The following EIF4E3 variants were observed in gnomAD, a reference collection of about 807,000 sequenced individuals.
EIF4E3 encodes eukaryotic translation initiation factor 4E type 3.
EIF4E3 carries 26 observed loss-of-function variants against 31.7 expected under a neutral mutation model. The ratio of observed to expected loss-of-function variants is 0.82; its 90% CI spans 0.60 to 1.14. The LOEUF is 1.14. Among genes scored for constraint, EIF4E3 ranks in the 50% most tolerant of loss-of-function variants. The pLI, the probability that EIF4E3 is intolerant of heterozygous loss-of-function variation, is 0.00. For missense variants in EIF4E3, 304 were observed against 270.9 expected (o/e 1.12, Z -0.86); for synonymous variants, 128 against 107.7 (o/e 1.19, Z -1.17).
upstream of EIF4E3, among the ~76,000 whole-genome samples, chr3:71,725,754 G>A (rs936521581): frequency 6.6e-6 from 1 of 152,262 alleles, no homozygotes; most frequent in South Asian, 2.1e-4. The surrounding 1 kb of genome is among the most constrained non-coding windows in gnomAD (Gnocchi z 6.1). Flanking sequence ...AAAGGGCAGC[G>A]GGATGGAGCG....
upstream of EIF4E3, among the ~76,000 whole-genome samples, chr3:71,729,798 ATGTGTGTG>A (rs3066626): frequency 0.081 from 10,481 of 129,724 alleles, 506 homozygotes; most frequent in East Asian, 0.12. Flanking sequence ...TTCCAATAGA[ATGTGTGTG>A]TGTGTGTGTG....
At chr3:71,696,591 C>G (rs1175164818) in intron 3 of EIF4E3, 71 bp from the exon 4 acceptor site, 1 of 1,545,142 alleles carries the variant, frequency 6.5e-7, no homozygotes, top group East Asian at 2.2e-5. Context: ...GATTAAATAT[C>G]TCTTCATACA....
In EIF4E3 at chr3:71,676,626, ATT is replaced by A. The variant is rs1245344343; in HGVS notation, c.*8054_*8055del. On this transcript the variant is annotated 3_prime_UTR_variant, in exon 7 of 7. Transcript: ENST00000425534. Reference sequence around the variant, plus strand: ...CTTTTAAAAATACTTCTTAAAATGTATTTTACAATGAAAACTTTGCCATATCT... The same window carrying A: ...CTTTTAAAAATACTTCTTAAAATGTATTACAATGAAAACTTTGCCATATCT... 1 of 152,066 alleles carries A rather than the reference ATT, an allele frequency of 6.6e-6. No homozygotes were observed. The highest frequency in any genetic ancestry group is 2.4e-5 in the African/African-American group (1 of 41,406). 9.4% of individuals were successfully genotyped at this position (152,066 alleles called of 1,614,324 possible).
intron 2 of EIF4E3, among the ~76,000 whole-genome samples, chr3:71,706,981 A>G (rs1184252824): frequency 2.0e-5 from 3 of 152,230 alleles, no homozygotes; most frequent in African/African-American, 4.8e-5. Context: ...TGAAAACTCA[A>G]AAGTTATTGA....
intron 1 of EIF4E3, among the ~76,000 whole-genome samples, chr3:71,732,865 C>A (rs571033051): frequency 6.6e-6 from 1 of 152,376 alleles, no homozygotes; most frequent in South Asian, 2.1e-4. Flanking sequence ...ACCTCTGAGT[C>A]TCCTTTTTTC....
At chr3:71,718,018 A>G (rs868167786) in intron 1 of EIF4E3, among the ~76,000 whole-genome samples, 17 of 152,374 alleles carry the variant, frequency 1.1e-4, no homozygotes, top group African/African-American at 3.6e-4. Context: ...GAAAAAACCA[A>G]TGATGACAAT....
intron 2 of EIF4E3, among the ~76,000 whole-genome samples, chr3:71,701,276 G>A (rs2049212808): frequency 6.6e-6 from 1 of 152,172 alleles, no homozygotes; most frequent in Non-Finnish European, 1.5e-5. Context: ...TCTGAGCCAG[G>A]CTTTGTTCTA....
rs2048871470 is a variant in EIF4E3 at position 71,675,938 on chromosome 3, C to T, written c.*8744G>A. 6.6e-6 allele frequency: 1 copy of T among 152,222 alleles called. No homozygotes were observed. Among genetic ancestry groups the T allele is most frequent in the Non-Finnish European group, 1.5e-5 (1 of 68,044 alleles). 9.4% of individuals were successfully genotyped at this position (152,222 alleles called of 1,614,324 possible). On this transcript the variant is annotated 3_prime_UTR_variant, in exon 7 of 7. Coordinates refer to ENST00000425534, the MANE Select transcript of EIF4E3 (RefSeq NM_001134651.2). ...CAAGTTATTTCACCTCTCTGAACCT[C>T]ATGCATATGTTTCCACATACACAAA...
chr3:71,692,850 C>T (rs760966740), intron 5 of EIF4E3, among the ~76,000 whole-genome samples: 4 of 152,156 alleles, frequency 2.6e-5, no homozygotes, highest in African/African-American at 4.8e-5. Flanking sequence ...CCATCTTGGC[C>T]TCCCAAAGTG....
chr3:71,748,037 G>C (rs2049890808), intron 1 of EIF4E3, among the ~76,000 whole-genome samples: 1 of 152,100 alleles, frequency 6.6e-6, no homozygotes, highest in African/African-American at 2.4e-5. Flanking sequence ...CATTCAAGTG[G>C]ATAGCAGGCT....
At chr3:71,663,451 A>T in the EIF4E3 span, among the ~76,000 whole-genome samples, 1 of 152,248 alleles carries the variant, frequency 6.6e-6, no homozygotes, top group Non-Finnish European at 1.5e-5. Flanking sequence ...CACTGTCTAC[A>T]AACCTACAGA....
intron 3 of EIF4E3, among the ~76,000 whole-genome samples, chr3:71,698,753 G>T (rs1169810526): frequency 1.3e-5 from 2 of 152,184 alleles, no homozygotes; most frequent in African/African-American, 4.8e-5. Flanking sequence ...AGCATAGGAA[G>T]GCCACTTTGC....
intron 6 of EIF4E3, among the ~76,000 whole-genome samples, chr3:71,685,521 C>T (rs1578330889): frequency 6.6e-6 from 1 of 152,064 alleles, no homozygotes; most frequent in Non-Finnish European, 1.5e-5. Context: ...GCCACCACGT[C>T]CAGCTAATTT....
intron 6 of EIF4E3, among the ~76,000 whole-genome samples, chr3:71,686,337 G>A (rs1191005690): frequency 6.6e-6 from 1 of 152,068 alleles, no homozygotes; most frequent in Admixed American, 6.6e-5. Context: ...TGCTGAGGGG[G>A]TGGATGGAAC....
At chr3:71,665,483 G>A in the EIF4E3 span, among the ~76,000 whole-genome samples, 10,941 of 152,212 alleles carry the variant, frequency 0.072, 1,019 homozygotes, top group African/African-American at 0.21. Context: ...AACTATTAAA[G>A]AGAGATACTT....
At chr3:71,702,472 C>T (rs895750184) in intron 2 of EIF4E3, among the ~76,000 whole-genome samples, 7 of 152,106 alleles carry the variant, frequency 4.6e-5, no homozygotes, top group Non-Finnish European at 7.4e-5. Flanking sequence ...AAAAATACAA[C>T]AAAACACTTC....
the EIF4E3 span, among the ~76,000 whole-genome samples, chr3:71,662,056 G>A: frequency 6.6e-6 from 1 of 152,302 alleles, no homozygotes; most frequent in African/African-American, 2.4e-5. Context: ...GTCCATGCTT[G>A]ATAAATGTTA....
At chr3:71,688,188 TCTTTCCC>T (rs1447050586) in intron 6 of EIF4E3, among the ~76,000 whole-genome samples, 2 of 152,226 alleles carry the variant, frequency 1.3e-5, no homozygotes, top group Admixed American at 6.5e-5. Flanking sequence ...GTTGCAGTTT[TCTTTCCC>T]CTTGTTTGGC....
At chr3:71,735,316 C>A (rs888815780) in intron 1 of EIF4E3, among the ~76,000 whole-genome samples, 1 of 151,680 alleles carries the variant, frequency 6.6e-6, no homozygotes, top group African/African-American at 2.4e-5. Flanking sequence ...AGAATTGGTG[C>A]GTAAATAAAA....
Sources: gnomAD v4.1 joint callset for allele counts (sites outside exome capture counted in the v4.1 genomes callset) on GRCh38, gnomAD v4.1.1 for gene constraint, Gnocchi (gnomAD v3.1) non-coding constraint, MANE v1.5 for transcripts, NCBI Gene and HGNC (gene_info 2026-07-23, HGNC 2026-07-21) for gene names.